Variants in ANKS1A observed in about 807,000 individuals in gnomAD.
ANKS1A encodes the protein ankyrin repeat and SAM domain-containing protein 1A.
A neutral mutation model predicts 120.3 loss-of-function variants in ANKS1A; 55 were observed. The observed-to-expected ratio is 0.46, with a 90% confidence interval of 0.37 to 0.57. ANKS1A has a LOEUF of 0.57. Ranked by LOEUF, ANKS1A falls within the 20% of genes least tolerant of loss-of-function variation. The pLI, the probability that ANKS1A is intolerant of heterozygous loss-of-function variation, is 0.00. For synonymous variants in ANKS1A, 590 were observed against 604.7 expected (o/e 0.98, Z 0.36); for missense variants, 1,123 against 1,480.3 (o/e 0.76, Z 3.96).
At chr6:34,899,099 G>T (rs1767228277) in intron 1 of ANKS1A, among the ~76,000 whole-genome samples, 1 of 152,210 alleles carries the variant, frequency 6.6e-6, no homozygotes, top group Non-Finnish European at 1.5e-5. Context: ...AAACATACAT[G>T]TTGTTGAATT....
In ANKS1A at chr6:35,085,659, TCC is replaced by T; in HGVS notation, c.3133-105_3133-104del. 3 of 1,201,290 alleles carry T rather than the reference TCC, an allele frequency of 2.5e-6. No homozygotes were observed. The South Asian group carries it at 5.0e-5, about 20-fold the overall frequency. 74.4% of individuals were successfully genotyped at this position (1,201,290 alleles called of 1,614,324 possible). A position where few individuals can be genotyped will look rare whatever the true frequency, so the allele number is the denominator to read the frequency against. On this transcript the variant is annotated intron_variant, in intron 21 of 23. Transcript: ENST00000360359. This position sits in a 1 kb window ranked among gnomAD's most constrained non-coding sequence, Gnocchi z 4.7. Reference sequence around the variant, plus strand: ...GAAGAGTGGAAGGAGGTAGGAGCGCTCCCGGGTAGACTTAGAGGGGGACACAT... The same window carrying T: ...GAAGAGTGGAAGGAGGTAGGAGCGCTCGGGTAGACTTAGAGGGGGACACAT...
At chr6:34,914,801 A>G (rs1768078577) in intron 1 of ANKS1A, among the ~76,000 whole-genome samples, 1 of 152,192 alleles carries the variant, frequency 6.6e-6, no homozygotes, top group African/African-American at 2.4e-5. Flanking sequence ...GATGCCTAAA[A>G]TGGTATTTAT....
At position 35,017,848 on chromosome 6, in the gene ANKS1A, G is replaced by C; in HGVS notation, c.1799G>C (p.Arg600Pro). 6.2e-7 allele frequency: 1 copy of C among 1,614,200 alleles called. No individual in the cohort carries two copies. The highest frequency in any genetic ancestry group is 8.5e-7 in the Non-Finnish European group (1 of 1,180,026). Residue 600 changes from arginine (R) to proline (P), a missense_variant, in exon 11 of 24, where the codon CGG becomes CCG. Arg to Pro is a moderately radical substitution (Grantham distance 103). Coordinates refer to ENST00000360359, the MANE Select transcript of ANKS1A (RefSeq NM_015245.3). The part of the protein sequence containing the change: ...PHPGGAEEGD[R>P]SGARSRAPPT... ...CCTGGTGGTGCTGAGGAAGGAGACCGGAGTGGGGCCAGGAGCCGAGCGCCT... is the reference window on the plus strand; with the variant it reads ...CCTGGTGGTGCTGAGGAAGGAGACCCGAGTGGGGCCAGGAGCCGAGCGCCT...
chr6:34,953,049 A>C (rs1042413361), intron 1 of ANKS1A, among the ~76,000 whole-genome samples: 5 of 152,156 alleles, frequency 3.3e-5, no homozygotes, highest in Non-Finnish European at 7.3e-5. Flanking sequence ...TAAAAACAAT[A>C]ATTTTGACAC....
chr6:34,951,001 CT>C, intron 1 of ANKS1A, among the ~76,000 whole-genome samples: 1 of 152,286 alleles, frequency 6.6e-6, no homozygotes, highest in Admixed American at 6.5e-5. Flanking sequence ...ACCTCCAGAA[CT>C]AATTTGTCTT....
chr6:35,011,574 C>T (rs1466000458), intron 10 of ANKS1A, among the ~76,000 whole-genome samples: 1 of 152,176 alleles, frequency 6.6e-6, no homozygotes, highest in Non-Finnish European at 1.5e-5. Context: ...CTATGGGCCC[C>T]AAGGTGAGTA....
rs1231832256 is a variant in ANKS1A at position 35,044,023 on chromosome 6, C to A, written c.2011-10076C>A. Among the ~76,000 whole-genome samples, 1 of 152,140 alleles carries A rather than the reference C, an allele frequency of 6.6e-6. No homozygotes were observed. The highest frequency in any genetic ancestry group is 1.5e-5 in the Non-Finnish European group (1 of 68,012). On this transcript the variant is annotated intron_variant, in intron 11 of 23. Transcript: ENST00000360359. The surrounding 1 kb of genome is among the most constrained non-coding windows in gnomAD (Gnocchi z 4.4). ...CTTACTTGGTTGTCACAGAAAGGTTCTTTTACACTGGTTCCATAATTTATG... is the reference window on the plus strand; with the variant it reads ...CTTACTTGGTTGTCACAGAAAGGTTATTTTACACTGGTTCCATAATTTATG...
chr6:35,087,174 C>T lies in ANKS1A; in HGVS notation c.3401+125C>T, dbSNP rs1023688489. 8.4e-6 allele frequency: 8 copies of T among 951,198 alleles called. No individual in the cohort carries two copies. The African/African-American group carries it at 1.1e-4, about 13-fold the overall frequency. The allele number at this position is 951,198 out of a possible 1,614,324, so 58.9% of individuals were successfully genotyped here. On this transcript the variant is annotated intron_variant, in intron 23 of 23. Coordinates refer to ENST00000360359, the MANE Select transcript of ANKS1A (RefSeq NM_015245.3). Reference sequence around the variant, plus strand: ...TCCAGCTGCTGATGCCAAGGCCCCACCTGCACTGGGACCTGCTCCTCTTGG... The same window carrying T: ...TCCAGCTGCTGATGCCAAGGCCCCATCTGCACTGGGACCTGCTCCTCTTGG...
rs1777745165 is a variant in ANKS1A, at chr6:35,082,607, C to T, written c.2710-84C>T. The T allele has an allele frequency of 6.6e-7, 1 of 1,503,820 alleles. No homozygotes were observed. 93.2% of individuals were successfully genotyped at this position (1,503,820 alleles called of 1,614,324 possible). A position where few individuals can be genotyped will look rare whatever the true frequency, so the allele number is the denominator to read the frequency against. On this transcript the variant is annotated intron_variant, in intron 17 of 23. Coordinates refer to ENST00000360359, the MANE Select transcript of ANKS1A (RefSeq NM_015245.3). This position sits in a 1 kb window ranked among gnomAD's most constrained non-coding sequence, Gnocchi z 4.1. ...CTTGCTAAGGTCACTGGCATCTTCA[C>T]CCTTGAGTGTGCTGGAGCCAGGCAG...
chr6:34,958,511 A>G (rs968685297), intron 1 of ANKS1A, among the ~76,000 whole-genome samples: 14 of 152,178 alleles, frequency 9.2e-5, no homozygotes, highest in African/African-American at 3.4e-4. Context: ...TCAGGCCATC[A>G]CAACAGTATA....
intron 11 of ANKS1A, among the ~76,000 whole-genome samples, chr6:35,037,524 G>T (rs1423173153): frequency 6.6e-6 from 1 of 152,160 alleles, no homozygotes; most frequent in East Asian, 1.9e-4. Flanking sequence ...TACCCAGCAG[G>T]TTACCCCTTG....
At chr6:35,004,394 G>A (rs1277583971) in intron 10 of ANKS1A, among the ~76,000 whole-genome samples, 4 of 151,368 alleles carry the variant, frequency 2.6e-5, no homozygotes, top group Admixed American at 1.3e-4. Flanking sequence ...AGGCCAAGGC[G>A]GGTGAATCAC....
At chr6:34,932,380 AC>A (rs1346721475) in intron 1 of ANKS1A, among the ~76,000 whole-genome samples, 3 of 151,968 alleles carry the variant, frequency 2.0e-5, no homozygotes, top group Non-Finnish European at 2.9e-5. Context: ...ATAGGGTTTC[AC>A]CGTGTTGGCC....
At chr6:34,925,218 T>C (rs536800329) in intron 1 of ANKS1A, among the ~76,000 whole-genome samples, 112 of 152,348 alleles carry the variant, frequency 7.4e-4, no homozygotes, top group African/African-American at 2.5e-3. Context: ...CCTCTGTAAA[T>C]GATTAATTAA....
Position 35,078,688 on chromosome 6 carries a change from G to A in ANKS1A, c.2283+32G>A, listed in dbSNP as rs180696142. ...ATCGCCGGCCCTGTAGCCTCAGCCC[G>A]TGCGGAGCCAGGGCCACCTCCCTAG... On this transcript the variant is annotated intron_variant, in intron 14 of 23. Transcript: ENST00000360359. The A allele has an allele frequency of 4.0e-5, 64 of 1,593,368 alleles. No homozygotes were observed. In the African/African-American group the frequency reaches 4.4e-4, roughly 11 times the overall value.
In ANKS1A at chr6:34,889,802, C is replaced by G. The variant is rs1766710093; in HGVS notation, c.197+203C>G. ...CGCTGCTCCGGGCTCGCCTGGTCTCCCGTTCTGACCCGGCTGCGAAGAATG... is the reference window on the plus strand; with the variant it reads ...CGCTGCTCCGGGCTCGCCTGGTCTCGCGTTCTGACCCGGCTGCGAAGAATG... On this transcript the variant is annotated intron_variant, in intron 1 of 23. Transcript: ENST00000360359. This position sits in a 1 kb window ranked among gnomAD's most constrained non-coding sequence, Gnocchi z 5.5. 1.3e-5 allele frequency among the ~76,000 whole-genome samples: 2 copies of G among 152,134 alleles called. No individual in the cohort carries two copies. Among genetic ancestry groups the G allele is most frequent in the South Asian group, 4.1e-4 (2 of 4,836 alleles).
rs1771988589 is a variant in ANKS1A at position 34,983,166 on chromosome 6, C to T, written c.862C>T (p.Arg288Trp). The change falls in exon 6 of 24, where the codon CGG becomes TGG. Residue 288 changes from arginine to tryptophan, a missense_variant. Around this residue, in one of 3 missense-constraint regions of ANKS1A, gnomAD observed 904 missense variants for 1,130.4 expected, o/e 0.80. Coordinates refer to ENST00000360359, the MANE Select transcript of ANKS1A (RefSeq NM_015245.3). ...NHGLTALDTVRELPSQKSQQI... is the reference protein window; with the variant it reads ...NHGLTALDTVWELPSQKSQQI... ...TGGACTGACTGCCCTAGACACTGTT[C>T]GGGAACTGCCTTCTCAAAAGAGCCA... The T allele has an allele frequency of 3.1e-6, 5 of 1,614,152 alleles. No individual in the cohort carries two copies. The highest frequency in any genetic ancestry group is 4.2e-6 in the Non-Finnish European group (5 of 1,180,042).
intron 9 of ANKS1A, among the ~76,000 whole-genome samples, chr6:34,991,336 A>C (rs1466975552): frequency 6.6e-6 from 1 of 151,974 alleles, no homozygotes; most frequent in African/African-American, 2.4e-5. Context: ...AGGGGCTGCC[A>C]GCTGCATCAG....
Position 35,089,007 on chromosome 6 carries a change from G to A in ANKS1A, c.*398G>A. ...ACAGGGGAGCTGAGGTTGGTTCAGA[G>A]GCCAGCCTGCATAGCCTCTGTCCTC... On this transcript the variant is annotated 3_prime_UTR_variant, in exon 24 of 24. Coordinates refer to ENST00000360359, the MANE Select transcript of ANKS1A (RefSeq NM_015245.3). 8.6e-7 allele frequency: 1 copy of A among 1,157,598 alleles called. No individual in the cohort carries two copies. The highest frequency in any genetic ancestry group is 1.1e-6 in the Non-Finnish European group (1 of 930,288). 71.7% of individuals were successfully genotyped at this position (1,157,598 alleles called of 1,614,324 possible).
Sources: allele counts gnomAD v4.1 joint callset (sites outside exome capture counted in the v4.1 genomes callset), GRCh38; gene constraint gnomAD v4.1.1; regional missense constraint gnomAD v4.1.1; non-coding constraint Gnocchi (gnomAD v3.1); transcripts MANE v1.5; gene names NCBI Gene and HGNC (gene_info 2026-07-23, HGNC 2026-07-21).